PHC2: variants seen among roughly 807,000 people sequenced by gnomAD.
PHC2 encodes polyhomeotic-like protein 2.
A neutral mutation model predicts 87.4 loss-of-function variants in PHC2; 29 were observed. The observed-to-expected ratio is 0.33, with a 90% CI of 0.25 to 0.45. PHC2 has a LOEUF of 0.45. Among genes scored for constraint, PHC2 ranks in the 20% least tolerant of loss-of-function variants. The probability of loss-of-function intolerance (pLI) is 1.00; values close to 1 mark genes in which losing one functional copy is unlikely to be tolerated. For synonymous variants in PHC2, 438 were observed against 461.7 expected (o/e 0.95, Z 0.66); for missense variants, 857 against 1,136.7 (o/e 0.75, Z 3.54).
intron 9 of PHC2, among the ~76,000 whole-genome samples, chr1:33,352,473 T>C (rs985446952): frequency 6.6e-6 from 1 of 152,182 alleles, no homozygotes. Flanking sequence ...TGAGGAAATA[T>C]GTGTAGTCTA....
chr1:33,368,260 G>C lies in PHC2; in HGVS notation c.663+276C>G, dbSNP rs1383961632. ...TATGCTGGGGCAGGTGTAAAGTATG[G>C]AGGGTAGCACAGCCCACCCCTCCCT... On this transcript the variant is annotated intron_variant, in intron 6 of 14. Coordinates refer to ENST00000683057, the MANE Select transcript of PHC2 (RefSeq NM_001385109.1). The surrounding 1 kb of genome is among the most constrained non-coding windows in gnomAD (Gnocchi z 6.6). Among the ~76,000 whole-genome samples, 1 of 152,254 alleles carries C rather than the reference G, an allele frequency of 6.6e-6. No individual in the cohort carries two copies. Among genetic ancestry groups the C allele is most frequent in the East Asian group, 1.9e-4 (1 of 5,200 alleles).
Position 33,375,610 on chromosome 1 carries a change from A to C in PHC2, c.-54-17T>G, listed in dbSNP as rs1317739806. 24 of 1,397,204 alleles carry C rather than the reference A, an allele frequency of 1.7e-5. No homozygotes were observed. In the East Asian group the frequency reaches 5.8e-4, roughly 34 times the overall value. 86.6% of individuals were successfully genotyped at this position (1,397,204 alleles called of 1,614,324 possible). ...AGGCAGATGCTAGGAGGGAAGAGGC[A>C]GAAGTGAATGTTTTGACAGACGCTT... is the stretch of plus-strand genomic sequence containing the variant. On this transcript the variant is annotated splice_polypyrimidine_tract_variant and intron_variant, in intron 1 of 14. Coordinates refer to ENST00000683057, the MANE Select transcript of PHC2 (RefSeq NM_001385109.1).
chr1:33,329,122 C>A lies in PHC2; in HGVS notation c.2173G>T (p.Val725Phe). 1 of 1,614,018 alleles carries A rather than the reference C, an allele frequency of 6.2e-7. No homozygotes were observed. The highest frequency in any genetic ancestry group is 8.5e-7 in the Non-Finnish European group (1 of 1,179,970). ...TGTGTTAGCTGCAAAGCAGCAGTAA[C>A]CGAAAGGGGCACAGTGCCTGTTGGC... The part of the protein sequence containing the change: ...KQPTGTVPLS[V>F]TAALQLTHSQ... The change falls in exon 14 of 15, where the codon GTT becomes TTT. Residue 725 changes from valine (V) to phenylalanine (F), a missense_variant. By Grantham distance (50) the Val-to-Phe change is conservative. Transcript: ENST00000683057.
chr1:33,402,972 C>A (rs575824438), intron 1 of PHC2, among the ~76,000 whole-genome samples: 1 of 151,206 alleles, frequency 6.6e-6, no homozygotes, highest in Non-Finnish European at 1.5e-5. Flanking sequence ...CCACGCCCGA[C>A]TTTTTAAATT....
In PHC2 at chr1:33,330,057, T is replaced by C. The variant is rs758557988; in HGVS notation, c.2148+14A>G. Reference sequence around the variant, plus strand: ...ACTGTGGGGATGGAGCTTCAGGCTCTGCCCGCCTCTTACCTGCTTCTTGGT... The same window carrying C: ...ACTGTGGGGATGGAGCTTCAGGCTCCGCCCGCCTCTTACCTGCTTCTTGGT... On this transcript the variant is annotated intron_variant, in intron 13 of 14. Transcript: ENST00000683057. 1.1e-5 allele frequency: 18 copies of C among 1,612,128 alleles called. No individual in the cohort carries two copies. The highest frequency in any genetic ancestry group is 5.0e-5 in the Admixed American group (3 of 59,728).
intron 1 of PHC2, among the ~76,000 whole-genome samples, chr1:33,424,033 TGG>T (rs10535589): frequency 0.72 from 107,830 of 149,724 alleles, 39,522 homozygotes; most frequent in African/African-American, 0.87. Context: ...GAGGCGGAGG[TGG>T]TGCAGTGATC....
chr1:33,338,786 G>A (rs115513894), intron 9 of PHC2, among the ~76,000 whole-genome samples: 3,422 of 152,244 alleles, frequency 0.022, 56 homozygotes, highest in Middle Eastern at 0.054. Context: ...TCAAATGCCT[G>A]TATACAGTCA....
intron 9 of PHC2, among the ~76,000 whole-genome samples, chr1:33,339,983 G>C (rs751751577): frequency 2.8e-4 from 42 of 152,134 alleles, no homozygotes; most frequent in Non-Finnish European, 1.2e-4. Flanking sequence ...TCTGCAACAG[G>C]TATTTCAGAT....
intron 13 of PHC2, 130 bp from the exon 14 acceptor site, chr1:33,329,276 A>AGTGATGAACAAAGGAGGTATT: frequency 2.3e-6 from 2 of 867,304 alleles, no homozygotes; most frequent in Non-Finnish European, 1.8e-6. Context: ...ATCTAACAGC[A>AGTGATGAACAAAGGAGGTATT]TCTTCCATGC....
At chr1:33,357,437 T>C (rs1279113633) in intron 7 of PHC2, among the ~76,000 whole-genome samples, 1 of 152,126 alleles carries the variant, frequency 6.6e-6, no homozygotes, top group Non-Finnish European at 1.5e-5. Flanking sequence ...AAATAAGATG[T>C]GTTACAAAGG....
intron 1 of PHC2, among the ~76,000 whole-genome samples, chr1:33,396,147 C>T (rs1381540753): frequency 6.6e-6 from 1 of 152,214 alleles, no homozygotes; most frequent in Non-Finnish European, 1.5e-5. Context: ...CAGTCTATGG[C>T]TTAAGAGCCT....
chr1:33,363,935 G>T, intron 7 of PHC2: 2 of 983,548 alleles, frequency 2.0e-6, no homozygotes, highest in Non-Finnish European at 2.4e-6. Flanking sequence ...GGGCAAGCCA[G>T]GCCCTTCTCC....
At position 33,372,423 on chromosome 1, in the gene PHC2, G is replaced by C; in HGVS notation, c.199C>G (p.Gln67Glu). ...AGGTACTGAGCGGCCGTGCTGGGCT[G>C]TCTGTGCAGGGCCTGCTGGATCACC... is the stretch of plus-strand genomic sequence containing the variant. The part of the protein sequence containing the change: ...VQVIQQALHR[Q>E]PSTAAQYLQQ... Residue 67 changes from glutamine (Q) to glutamate (E), a missense_variant, in exon 3 of 15, where the codon CAG becomes GAG. This residue lies in a region of PHC2 where 832 missense variants were observed against 1,081.8 expected (regional missense o/e 0.77). Transcript: ENST00000683057. The C allele has an allele frequency of 6.3e-7, 1 of 1,592,184 alleles. No homozygotes were observed. The highest frequency in any genetic ancestry group is 8.6e-7 in the Non-Finnish European group (1 of 1,166,848).
chr1:33,390,591 A>G (rs1031324851), intron 1 of PHC2, among the ~76,000 whole-genome samples: 2 of 152,226 alleles, frequency 1.3e-5, no homozygotes, highest in African/African-American at 4.8e-5. Flanking sequence ...ACTGAATGCA[A>G]TACAAACATG....
rs778003317 is a variant in PHC2, at chr1:33,354,507, A to G, written c.1452T>C (p.Pro484=). 4.0e-5 allele frequency: 64 copies of G among 1,613,968 alleles called. No homozygotes were observed. The highest frequency in any genetic ancestry group is 1.5e-5 in the Non-Finnish European group (18 of 1,179,980). ...KEVAPGEKSV[P]ETRSGPSPHQ... ...GTGGTGATGGGCCAGACCGCGTCTC[A>G]GGCACACTTTTCTCCCCTGGTGCCA... is the stretch of plus-strand genomic sequence containing the variant. The change falls in exon 9 of 15, where the codon CCT becomes CCC. Residue 484 remains proline (P), a synonymous_variant. Coordinates refer to ENST00000683057, the MANE Select transcript of PHC2 (RefSeq NM_001385109.1).
chr1:33,331,574 A>G lies in PHC2; in HGVS notation c.1892-112T>C. 1.5e-6 allele frequency: 1 copy of G among 667,452 alleles called. No homozygotes were observed. The highest frequency in any genetic ancestry group is 2.7e-6 in the Non-Finnish European group (1 of 366,392). 41.3% of individuals were successfully genotyped at this position (667,452 alleles called of 1,614,324 possible). On this transcript the variant is annotated intron_variant, in intron 11 of 14. Transcript: ENST00000683057. This position sits in a 1 kb window ranked among gnomAD's most constrained non-coding sequence, Gnocchi z 5.2. ...TCCTGCCTGGTCCTCCTGCTCCCAC[A>G]GCTGTGACATACAGCAGCATTCTAG...
intron 1 of PHC2, among the ~76,000 whole-genome samples, chr1:33,396,842 ACT>A (rs1649314988): frequency 6.6e-6 from 1 of 152,158 alleles, no homozygotes; most frequent in Admixed American, 6.5e-5. Flanking sequence ...TGGAGGAGAC[ACT>A]CTGAGCTGAC....
rs1036441047 is a variant in PHC2 at position 33,325,320 on chromosome 1, G to C, written c.2426-301C>G. On this transcript the variant is annotated intron_variant, in intron 14 of 14. Transcript: ENST00000683057. ...GAGGAAGTGACAGCGTGTGATTTCT[G>C]AGGCTAGATCATAAAGGGCACAGCA... The C allele has an allele frequency of 1.1e-4, 34 of 306,486 alleles. 1 individual carries two copies. Among genetic ancestry groups the C allele is most frequent in the South Asian group, 5.2e-5 (1 of 19,088 alleles). The allele number at this position is 306,486 out of a possible 1,614,324, so 19.0% of individuals were successfully genotyped here.
chr1:33,365,890 T>C (rs1230135668), intron 7 of PHC2, among the ~76,000 whole-genome samples: 1 of 152,222 alleles, frequency 6.6e-6, no homozygotes, highest in Non-Finnish European at 1.5e-5. Context: ...TCAGGTCACA[T>C]GCTCGTGCCG....
Sources: allele counts gnomAD v4.1 joint callset (sites outside exome capture counted in the v4.1 genomes callset), GRCh38; gene constraint gnomAD v4.1.1; regional missense constraint gnomAD v4.1.1; non-coding constraint Gnocchi (gnomAD v3.1); transcripts MANE v1.5; gene names NCBI Gene and HGNC (gene_info 2026-07-23, HGNC 2026-07-21).